CCDC7: variants seen among roughly 807,000 people sequenced by gnomAD.
CCDC7 encodes coiled-coil domain-containing protein 7.
CCDC7 carries 183 observed loss-of-function variants against 196.9 expected under a neutral mutation model. That is an observed-to-expected ratio of 0.93 (90% CI 0.82 to 1.05). The LOEUF is 1.05. Ranked by LOEUF, CCDC7 falls within the 50% of genes least tolerant of loss-of-function variation. The probability of loss-of-function intolerance (pLI) is 0.00; values close to 1 mark genes in which losing one functional copy is unlikely to be tolerated. For missense variants in CCDC7, 1,540 were observed against 1,482.2 expected (o/e 1.04, Z -0.64); for synonymous variants, 525 against 484.6 (o/e 1.08, Z -1.10).
chr10:32,674,722 T>C lies in CCDC7; in HGVS notation c.2122+10561T>C, dbSNP rs184228220. Among the ~76,000 whole-genome samples, 132 of 152,244 alleles carry C rather than the reference T, an allele frequency of 8.7e-4. 1 individual carries two copies. Among genetic ancestry groups the C allele is most frequent in the African/African-American group, 2.9e-3 (120 of 41,582 alleles). The stretch of plus-strand genomic sequence containing the variant: ...TACCTATTATTACTTTTCTTATGTA[T>C]TTATGTGCTCTGACGTTGGACACAG... On this transcript the variant is annotated intron_variant, in intron 21 of 41. Coordinates refer to ENST00000639629, the Ensembl canonical transcript of CCDC7.
intron 28 of CCDC7, among the ~76,000 whole-genome samples, chr10:32,729,703 C>G (rs1225974673): frequency 3.9e-5 from 6 of 152,002 alleles, no homozygotes; most frequent in Non-Finnish European, 7.4e-5. Context: ...TCTTATAATG[C>G]TCTATTTTTG....
intron 17 of CCDC7, 51 bp downstream of exon 18, chr10:32,583,358 A>C (rs1465204292): frequency 9.0e-7 from 1 of 1,108,574 alleles, no homozygotes; most frequent in Admixed American, 4.2e-5. Flanking sequence ...TTGCTCCTTC[A>C]ATAAATAAAT....
At chr10:32,474,102 T>C in intron 8 of CCDC7, 79 bp downstream of exon 9, 1 of 1,471,542 alleles carries the variant, frequency 6.8e-7, no homozygotes, top group Non-Finnish European at 9.2e-7. Flanking sequence ...AATTATTAGG[T>C]TAACAGTGCA....
intron 28 of CCDC7, among the ~76,000 whole-genome samples, chr10:32,777,066 T>C (rs1160271536): frequency 6.6e-6 from 1 of 152,162 alleles, no homozygotes; most frequent in East Asian, 1.9e-4. Context: ...CTTTTAGTAT[T>C]CCACAGTCTC....
intron 9 of CCDC7, among the ~76,000 whole-genome samples, chr10:32,506,147 A>T (rs1254931132): frequency 3.8e-5 from 3 of 79,484 alleles, no homozygotes; most frequent in Admixed American, 1.4e-4. Context: ...CATTCGGGGC[A>T]GCCGGGCAGA....
chr10:32,786,582 G>A (rs539018578), intron 29 of CCDC7, among the ~76,000 whole-genome samples: 60 of 152,238 alleles, frequency 3.9e-4, no homozygotes, highest in African/African-American at 9.6e-4. Context: ...CCAACATGGC[G>A]AAACTTCATC....
intron 25 of CCDC7, among the ~76,000 whole-genome samples, chr10:32,716,388 C>T (rs1402440944): frequency 2.6e-5 from 4 of 152,120 alleles, no homozygotes; most frequent in Non-Finnish European, 5.9e-5. Context: ...TACAAGAGCT[C>T]CTGAAGGAAG....
chr10:32,614,805 T>C (rs1036024701), intron 18 of CCDC7, among the ~76,000 whole-genome samples: 7 of 152,180 alleles, frequency 4.6e-5, no homozygotes, highest in Non-Finnish European at 2.9e-5. Context: ...GAGTTTGATC[T>C]ATCCCACCCA....
intron 41 of CCDC7, among the ~76,000 whole-genome samples, chr10:32,870,075 C>A (rs9702065): frequency 0.34 from 52,016 of 151,764 alleles, 11,293 homozygotes; most frequent in Non-Finnish European, 0.49. Flanking sequence ...CTTGGCAATG[C>A]GGGCTCTTTT....
intron 26 of CCDC7, 54 bp from the exon 28 acceptor site, chr10:32,728,833 A>G: frequency 1.1e-6 from 1 of 939,470 alleles, no homozygotes; most frequent in Non-Finnish European, 1.6e-6. Context: ...TACATATTAT[A>G]CATTCATAGA....
intron 24 of CCDC7, among the ~76,000 whole-genome samples, chr10:32,698,386 G>A (rs573017596): frequency 3.3e-5 from 5 of 151,744 alleles, no homozygotes; most frequent in African/African-American, 4.8e-5. Flanking sequence ...TCAGAAGATC[G>A]GTAATAATAA....
At chr10:32,455,823 G>A (rs1034343042) in intron 2 of CCDC7, among the ~76,000 whole-genome samples, 3 of 152,208 alleles carry the variant, frequency 2.0e-5, no homozygotes, top group African/African-American at 7.2e-5. Context: ...TGCCCATTAG[G>A]TGAGAGCAGA....
At chr10:32,495,176 G>A (rs2042724433) in intron 9 of CCDC7, among the ~76,000 whole-genome samples, 1 of 152,100 alleles carries the variant, frequency 6.6e-6, no homozygotes, top group African/African-American at 2.4e-5. Context: ...TAAGTTTGTT[G>A]GCTGCATAAA....
At chr10:32,569,832 T>C (rs896778917) in intron 15 of CCDC7, among the ~76,000 whole-genome samples, 1 of 152,206 alleles carries the variant, frequency 6.6e-6, no homozygotes, top group Non-Finnish European at 1.5e-5. Flanking sequence ...CTGGGGTACA[T>C]ATATAGTCTA....
At chr10:32,639,388 T>A (rs1383475798) in intron 20 of CCDC7, among the ~76,000 whole-genome samples, 1 of 152,196 alleles carries the variant, frequency 6.6e-6, no homozygotes, top group African/African-American at 2.4e-5. Flanking sequence ...TAAATTTCCC[T>A]CTACACACTG....
chr10:32,631,358 C>A (rs1205795204), intron 18 of CCDC7, among the ~76,000 whole-genome samples: 1 of 152,166 alleles, frequency 6.6e-6, no homozygotes, highest in Non-Finnish European at 1.5e-5. Context: ...CATGTTTATT[C>A]TTTTACATCT....
intron 5 of CCDC7, among the ~76,000 whole-genome samples, chr10:32,466,059 G>T (rs1324894865): frequency 1.3e-5 from 2 of 152,092 alleles, no homozygotes; most frequent in East Asian, 1.9e-4. Context: ...TATCCATTTT[G>T]CCTGAAATCC....
intron 41 of CCDC7, among the ~76,000 whole-genome samples, chr10:32,870,121 A>G (rs2094372509): frequency 6.6e-6 from 1 of 152,082 alleles, no homozygotes; most frequent in Non-Finnish European, 1.5e-5. Context: ...GTTTTTTCCA[A>G]TTCTGTGAAG....
chr10:32,796,388 C>T (rs2083559295), intron 29 of CCDC7, among the ~76,000 whole-genome samples: 1 of 152,160 alleles, frequency 6.6e-6, no homozygotes, highest in Non-Finnish European at 1.5e-5. Flanking sequence ...TGTGGGTTCT[C>T]ATTTGCTCAC....
Sources: allele counts gnomAD v4.1 joint callset (sites outside exome capture counted in the v4.1 genomes callset), GRCh38; gene constraint gnomAD v4.1.1; transcripts MANE v1.5; gene names NCBI Gene and HGNC (gene_info 2026-07-23, HGNC 2026-07-21).